Variants in MICU3 observed in about 807,000 individuals in gnomAD.
MICU3 encodes the protein mitochondrial calcium uptake 3, also known as calcium uptake protein 3, mitochondrial.
MICU3 carries 62 observed loss-of-function variants against 66.5 expected under a neutral mutation model. That is an observed-to-expected ratio of 0.93 (90% CI 0.76 to 1.15). The LOEUF is 1.15. MICU3 is among the 50% of genes most tolerant of loss of function. The pLI is 0.00. For missense variants in MICU3, 779 were observed against 664.4 expected (o/e 1.17, Z -1.90); for synonymous variants, 308 against 240.7 (o/e 1.28, Z -2.59).
chr8:17,040,749 A>G (rs1813928572), intron 1 of MICU3, among the ~76,000 whole-genome samples: 1 of 152,208 alleles, frequency 6.6e-6, no homozygotes, highest in Non-Finnish European at 1.5e-5. Context: ...ATGTAAAATT[A>G]TATATGGTAG....
At chr8:17,136,214 C>T in the MICU3 span, among the ~76,000 whole-genome samples, 2 of 152,014 alleles carry the variant, frequency 1.3e-5, no homozygotes, top group African/African-American at 4.8e-5. Context: ...TTCTTATATT[C>T]ATGAGAGGGA....
chr8:17,106,250 A>G (rs1014900094), intron 11 of MICU3, among the ~76,000 whole-genome samples: 1 of 152,040 alleles, frequency 6.6e-6, no homozygotes, highest in Non-Finnish European at 1.5e-5. Context: ...GACAAGGATC[A>G]GGTTAGTCAT....
chr8:17,118,856 A>G lies in MICU3; in HGVS notation c.*81A>G, dbSNP rs557094238. 52 of 810,526 alleles carry G rather than the reference A, an allele frequency of 6.4e-5. 1 individual carries two copies. In the Admixed American group the frequency reaches 1.2e-3, roughly 18 times the overall value. 50.2% of individuals were successfully genotyped at this position (810,526 alleles called of 1,614,324 possible). A position where few individuals can be genotyped will look rare whatever the true frequency, so the allele number is the denominator to read the frequency against. The stretch of plus-strand genomic sequence containing the variant: ...ATTTTTCTGTTATAACATTTAGAAA[A>G]TAGCTGAAAGAAATAGAATTATCTA... On this transcript the variant is annotated intron_variant, in intron 14 of 14. Coordinates refer to ENST00000318063, the MANE Select transcript of MICU3 (RefSeq NM_181723.3).
At chr8:17,129,472 G>C in the MICU3 span, among the ~76,000 whole-genome samples, 1 of 152,046 alleles carries the variant, frequency 6.6e-6, no homozygotes, top group Non-Finnish European at 1.5e-5. Context: ...AAAACCAAAT[G>C]AAAATTTTAG....
At chr8:17,135,291 G>A in the MICU3 span, among the ~76,000 whole-genome samples, 3 of 151,960 alleles carry the variant, frequency 2.0e-5, no homozygotes, top group Admixed American at 1.3e-4. Context: ...CCCGCTACTC[G>A]GGAGGCTGAG....
intron 1 of MICU3, among the ~76,000 whole-genome samples, chr8:17,045,630 T>G (rs1265051561): frequency 6.6e-6 from 1 of 152,212 alleles, no homozygotes; most frequent in African/African-American, 2.4e-5. Context: ...GCAGGGAAGC[T>G]GCATGCCCCT....
chr8:17,067,971 A>T (rs1818977435), intron 2 of MICU3, among the ~76,000 whole-genome samples: 1 of 152,204 alleles, frequency 6.6e-6, no homozygotes, highest in African/African-American at 2.4e-5. Context: ...ACTTAAATAG[A>T]ACCTAAATGG....
At position 17,121,420 on chromosome 8, in the gene MICU3, A is replaced by G. The variant is rs1803187594; in HGVS notation, c.*1133A>G. On this transcript the variant is annotated 3_prime_UTR_variant, in exon 15 of 15. Transcript: ENST00000318063. Reference sequence around the variant, plus strand: ...ACAACAAAATTAGATTTGTACATAGAGAAACAATTTGATAATACTTAATAG... The same window carrying G: ...ACAACAAAATTAGATTTGTACATAGGGAAACAATTTGATAATACTTAATAG... The G allele has an allele frequency of 6.6e-6, 1 of 151,918 alleles. No individual in the cohort carries two copies. The allele number at this position is 151,918 out of a possible 1,614,324, so 9.4% of individuals were successfully genotyped here.
intron 3 of MICU3, among the ~76,000 whole-genome samples, 186 bp from the exon 4 acceptor site, chr8:17,077,597 A>G (rs768927822): frequency 1.1e-4 from 16 of 152,122 alleles, no homozygotes; most frequent in African/African-American, 2.7e-4. Context: ...CATTTATTTT[A>G]TGTTTGAACT....
chr8:17,056,969 G>T (rs978705105), intron 1 of MICU3, among the ~76,000 whole-genome samples: 3 of 152,138 alleles, frequency 2.0e-5, no homozygotes, highest in Non-Finnish European at 4.4e-5. Flanking sequence ...AGACCATTAC[G>T]GTTTCCAGAG....
chr8:17,085,596 G>A (rs1324558750), intron 6 of MICU3, among the ~76,000 whole-genome samples: 1 of 152,062 alleles, frequency 6.6e-6, no homozygotes, highest in Non-Finnish European at 1.5e-5. Flanking sequence ...ATAACAGGCA[G>A]TCCTCAGGTT....
the MICU3 span, among the ~76,000 whole-genome samples, chr8:17,130,767 A>G: frequency 6.6e-6 from 1 of 152,150 alleles, no homozygotes; most frequent in African/African-American, 2.4e-5. Flanking sequence ...AACGCAGGAA[A>G]GGAGGAAACA....
At chr8:17,078,868 T>A (rs1820769341) in intron 4 of MICU3, among the ~76,000 whole-genome samples, 1 of 152,152 alleles carries the variant, frequency 6.6e-6, no homozygotes. Flanking sequence ...AAAAAAAATC[T>A]TAGAAATTTT....
At chr8:17,046,319 G>A (rs1815078582) in intron 1 of MICU3, among the ~76,000 whole-genome samples, 1 of 152,172 alleles carries the variant, frequency 6.6e-6, no homozygotes, top group Admixed American at 6.5e-5. Context: ...ATTGCTTGAT[G>A]ATGGGGAGAA....
chr8:17,030,231 T>C (rs1054699947), intron 1 of MICU3, among the ~76,000 whole-genome samples: 2 of 152,240 alleles, frequency 1.3e-5, no homozygotes, highest in Non-Finnish European at 2.9e-5. Context: ...CCAGGTTCTT[T>C]TTTATTTCTG....
intron 1 of MICU3, among the ~76,000 whole-genome samples, chr8:17,031,553 TGG>T (rs1482653388): frequency 6.6e-6 from 1 of 152,038 alleles, no homozygotes; most frequent in Non-Finnish European, 1.5e-5. Context: ...TGCAAAGTGC[TGG>T]GAATACAGTC....
chr8:17,116,523 G>C lies in MICU3; in HGVS notation c.1447G>C (p.Asp483His). 1 of 1,571,024 alleles carries C rather than the reference G, an allele frequency of 6.4e-7. No homozygotes were observed. Among genetic ancestry groups the C allele is most frequent in the Non-Finnish European group, 8.6e-7 (1 of 1,164,354 alleles). ...HLVNTVFKIFDVDKDDQLSYK... is the reference protein window; with the variant it reads ...HLVNTVFKIFHVDKDDQLSYK... ...AGTGAACACTGTCTTCAAGATTTTT[G>C]ATGTTGACAAAGATGATCAATTAAG... The change falls in exon 13 of 15, where the codon GAT (aspartate) becomes CAT (histidine). Residue 483 changes from aspartate to histidine, a missense_variant. Coordinates refer to ENST00000318063, the MANE Select transcript of MICU3 (RefSeq NM_181723.3).
chr8:17,031,785 A>G (rs1168733146), intron 1 of MICU3, among the ~76,000 whole-genome samples: 1 of 152,206 alleles, frequency 6.6e-6, no homozygotes, highest in Non-Finnish European at 1.5e-5. Context: ...TTACAGAAAT[A>G]CAGTTCTCTT....
rs373857886 is a variant in MICU3 at position 17,077,823 on chromosome 8, A to T, written c.608A>T (p.Lys203Ile). Reference protein sequence around the residue: ...QMLAETPPVWKGSSKLFRNLK... With the variant: ...QMLAETPPVWIGSSKLFRNLK... Reference sequence around the variant, plus strand: ...CTCGCAGAAACACCACCAGTTTGGAAAGGCTCATCGAAGCTATTTCGAAAT... The same window carrying T: ...CTCGCAGAAACACCACCAGTTTGGATAGGCTCATCGAAGCTATTTCGAAAT... Residue 203 changes from lysine (K) to isoleucine (I), a missense_variant, in exon 4 of 15, where the codon AAA becomes ATA. Lys to Ile is a moderately radical substitution (Grantham distance 102). Coordinates refer to ENST00000318063, the MANE Select transcript of MICU3 (RefSeq NM_181723.3). 6.2e-7 allele frequency: 1 copy of T among 1,612,158 alleles called. No individual in the cohort carries two copies. Among genetic ancestry groups the T allele is most frequent in the African/African-American group, 1.3e-5 (1 of 74,854 alleles).
Sources: allele counts gnomAD v4.1 joint callset (sites outside exome capture counted in the v4.1 genomes callset), GRCh38; gene constraint gnomAD v4.1.1; transcripts MANE v1.5; gene names NCBI Gene and HGNC (gene_info 2026-07-23, HGNC 2026-07-21).